Variants in MYCT1 observed in about 807,000 individuals in gnomAD.
MYCT1 encodes myc target protein 1.
Under a neutral mutation model 15.0 loss-of-function variants are expected in MYCT1, and 12 were observed. The ratio of observed to expected loss-of-function variants is 0.80; its 90% CI spans 0.51 to 1.29. MYCT1 has a LOEUF of 1.29. Ranked by LOEUF, MYCT1 falls within the 50% of genes most tolerant of loss-of-function variation. The pLI is 0.00. For missense variants in MYCT1, 287 were observed against 279.1 expected, an observed-to-expected ratio of 1.03 and a Z score of -0.20; for synonymous variants, 104 against 102.7, an observed-to-expected ratio of 1.01 and a Z score of -0.07.
At chr6:152,715,176 A>G (rs927786112) in intron 1 of MYCT1, among the ~76,000 whole-genome samples, 19 of 152,120 alleles carry the variant, frequency 1.2e-4, no homozygotes, top group Non-Finnish European at 2.5e-4. Context: ...CCTTTGATTT[A>G]ATAGTTTTGA....
At chr6:152,717,128 A>G (rs2099723828) in intron 1 of MYCT1, among the ~76,000 whole-genome samples, 1 of 152,112 alleles carries the variant, frequency 6.6e-6, no homozygotes, top group African/African-American at 2.4e-5. Context: ...ACAGTTTCTA[A>G]ATTCTAGTTT....
At chr6:152,736,467 G>C in the MYCT1 span, among the ~76,000 whole-genome samples, 1 of 152,088 alleles carries the variant, frequency 6.6e-6, no homozygotes, top group Admixed American at 6.6e-5. Context: ...GGGACTATTA[G>C]AGTATCTGGA....
At chr6:152,729,621 A>G in the MYCT1 span, among the ~76,000 whole-genome samples, 8 of 152,324 alleles carry the variant, frequency 5.3e-5, 1 homozygote, top group African/African-American at 1.9e-4. Context: ...TCGTGGTAGG[A>G]TGAAATTGGC....
chr6:152,698,956 C>G (rs2099720878), intron 1 of MYCT1, among the ~76,000 whole-genome samples: 1 of 152,040 alleles, frequency 6.6e-6, no homozygotes, highest in Non-Finnish European at 1.5e-5. Context: ...GACATGTACT[C>G]TTGGGTTCAG....
At chr6:152,704,000 ATTTTATTTTATT>A (rs2099721809) in intron 1 of MYCT1, among the ~76,000 whole-genome samples, 1 of 79,408 alleles carries the variant, frequency 1.3e-5, no homozygotes, top group Non-Finnish European at 2.8e-5. Context: ...ATTTTATTTT[ATTTTATTTTATT>A]TTTGAGACAG....
At chr6:152,708,365 A>G (rs1297468753) in intron 1 of MYCT1, among the ~76,000 whole-genome samples, 1 of 152,028 alleles carries the variant, frequency 6.6e-6, no homozygotes, top group African/African-American at 2.4e-5. Context: ...ATTTTAGAAT[A>G]CATAAGATTT....
At chr6:152,721,716 T>A (rs1179461632) in intron 1 of MYCT1, 26 bp from the exon 2 acceptor site, 2 of 1,586,666 alleles carry the variant, frequency 1.3e-6, no homozygotes, top group Middle Eastern at 1.7e-4. Flanking sequence ...AAAAATTGAT[T>A]TAGCAATTTG....
intron 1 of MYCT1, among the ~76,000 whole-genome samples, chr6:152,714,330 T>G (rs1193721625): frequency 6.7e-6 from 1 of 150,314 alleles, no homozygotes; most frequent in Admixed American, 6.6e-5. Flanking sequence ...TTGCCCCTGT[T>G]TCATTAAGTT....
chr6:152,733,938 C>T, the MYCT1 span, among the ~76,000 whole-genome samples: 3 of 151,994 alleles, frequency 2.0e-5, no homozygotes, highest in East Asian at 5.9e-4. Flanking sequence ...TTCAGAAGAC[C>T]TTATCCCATC....
intron 1 of MYCT1, among the ~76,000 whole-genome samples, chr6:152,704,213 A>G (rs1365018912): frequency 6.6e-6 from 1 of 151,756 alleles, no homozygotes; most frequent in Non-Finnish European, 1.5e-5. Flanking sequence ...TGTTGCCCAG[A>G]CTAGTCTCAA....
intron 1 of MYCT1, 124 bp from the exon 2 acceptor site, chr6:152,721,618 C>A: frequency 1.1e-6 from 1 of 882,790 alleles, no homozygotes; most frequent in Non-Finnish European, 1.7e-6. Flanking sequence ...TCTTCTATTT[C>A]CCTAATTCAA....
intron 1 of MYCT1, among the ~76,000 whole-genome samples, chr6:152,714,888 G>A (rs541452500): frequency 6.3e-4 from 96 of 151,900 alleles, no homozygotes; most frequent in African/African-American, 2.2e-3. Flanking sequence ...CTGGCAGTTA[G>A]GGGAAGATCA....
chr6:152,713,601 T>C (rs1383958010), intron 1 of MYCT1, among the ~76,000 whole-genome samples: 3 of 152,172 alleles, frequency 2.0e-5, no homozygotes, highest in African/African-American at 7.2e-5. Flanking sequence ...AGCCTGTCCC[T>C]TGGGCAGCAG....
chr6:152,714,356 T>C (rs1241090734), intron 1 of MYCT1, among the ~76,000 whole-genome samples: 2 of 150,884 alleles, frequency 1.3e-5, no homozygotes, highest in African/African-American at 4.8e-5. Context: ...TTCTCTTATT[T>C]ACTGTATGCT....
chr6:152,742,771 G>GAT, the MYCT1 span, among the ~76,000 whole-genome samples: 1 of 152,144 alleles, frequency 6.6e-6, no homozygotes, highest in Admixed American at 6.5e-5. Context: ...GATTGTATAT[G>GAT]TGTAAGTATG....
At chr6:152,725,240 T>A (rs1305699670), downstream of MYCT1, among the ~76,000 whole-genome samples, 3 of 152,062 alleles carry the variant, frequency 2.0e-5, no homozygotes, top group Non-Finnish European at 4.4e-5. Context: ...ATGGCCAATA[T>A]CTTGAAGTCA....
intron 1 of MYCT1, among the ~76,000 whole-genome samples, chr6:152,707,786 G>T (rs2099722557): frequency 6.6e-6 from 1 of 151,944 alleles, no homozygotes; most frequent in Admixed American, 6.6e-5. Flanking sequence ...TGATACTGTT[G>T]TCAAATACCA....
chr6:152,720,627 A>G (rs192468093), intron 1 of MYCT1, among the ~76,000 whole-genome samples: 9 of 152,316 alleles, frequency 5.9e-5, no homozygotes. Context: ...AGTTTTCCAG[A>G]CAGAAGCTTA....
the MYCT1 span, among the ~76,000 whole-genome samples, chr6:152,737,413 A>G: frequency 1.3e-5 from 2 of 152,014 alleles, no homozygotes; most frequent in Admixed American, 6.6e-5. Context: ...ATCTATATCT[A>G]TTTCTAAAGT....
Sources: allele counts gnomAD v4.1 joint callset (sites outside exome capture counted in the v4.1 genomes callset), GRCh38; gene constraint gnomAD v4.1.1; transcripts MANE v1.5; gene names NCBI Gene and HGNC (gene_info 2026-07-23, HGNC 2026-07-21).